The following ARHGAP6 variants were observed in gnomAD, a reference collection of about 807,000 sequenced individuals.
ARHGAP6 encodes Rho GTPase activating protein 6, also known as rho GTPase-activating protein 6.
In ARHGAP6, 16 loss-of-function variants were observed where a neutral mutation model predicts 55.7. The observed-to-expected ratio is 0.29, with a 90% CI of 0.19 to 0.44. ARHGAP6 has a LOEUF of 0.44. Ranked by LOEUF, ARHGAP6 falls within the 20% of genes least tolerant of loss-of-function variation. The pLI is 1.00. For missense variants in ARHGAP6, 698 were observed against 808.9 expected, an observed-to-expected ratio of 0.86 and a Z score of 1.66; for synonymous variants, 382 against 360.9, an observed-to-expected ratio of 1.06 and a Z score of -0.66.
At chrX:11,283,335 C>T (rs1246048882) in intron 1 of ARHGAP6, among the ~76,000 whole-genome samples, 2 of 111,922 alleles carry the variant, frequency 1.8e-5, no homozygotes, top group Non-Finnish European at 3.8e-5. Context: ...AAGCTAGTAT[C>T]ACATGGCCAA....
rs1433452586 is a variant in ARHGAP6, at chrX:11,290,787, A to C, written c.589-36080T>G. 4.5e-5 allele frequency among the ~76,000 whole-genome samples: 5 copies of C among 111,839 alleles called. No homozygotes were observed. In the East Asian group the frequency reaches 1.4e-3, roughly 31 times the overall value. ...AGTAAGCCAGTGGAGAGGAACCCCA[A>C]AACAAACCAAACACCCTCCCAGCAG... On this transcript the variant is annotated intron_variant, in intron 1 of 12. Transcript: ENST00000337414.
chrX:11,653,605 T>C (rs2052609522), intron 1 of ARHGAP6, among the ~76,000 whole-genome samples: 1 of 112,522 alleles, frequency 8.9e-6, no homozygotes, highest in African/African-American at 3.2e-5. Context: ...CATCTTTTAG[T>C]ACTTCCTACG....
chrX:11,228,417 C>A (rs1165532626), intron 2 of ARHGAP6, among the ~76,000 whole-genome samples: 1 of 96,660 alleles, frequency 1.0e-5, no homozygotes, highest in Non-Finnish European at 2.1e-5. Flanking sequence ...ATATTAAAAG[C>A]TGTTTCCTTT....
At chrX:11,443,311 T>C (rs889425078) in intron 1 of ARHGAP6, among the ~76,000 whole-genome samples, 6 of 112,587 alleles carry the variant, frequency 5.3e-5, no homozygotes, top group African/African-American at 1.6e-4. Context: ...GACATTTTGG[T>C]TGTTACCAAC....
intron 11 of ARHGAP6, chrX:11,142,657 G>A (rs1195735898): frequency 2.6e-5 from 3 of 116,811 alleles, no homozygotes; most frequent in African/African-American, 9.8e-5. Flanking sequence ...TATCTGGATG[G>A]GGCCAATATA....
chrX:11,153,524 C>CAAAAAA (rs55669123), intron 10 of ARHGAP6, among the ~76,000 whole-genome samples: 1 of 20,106 alleles, frequency 5.0e-5, no homozygotes, highest in Admixed American at 6.7e-4. Flanking sequence ...GACTCGATCT[C>CAAAAAA]AAAAAAAAAA....
At chrX:11,589,118 T>C (rs2051772870) in intron 1 of ARHGAP6, among the ~76,000 whole-genome samples, 1 of 107,060 alleles carries the variant, frequency 9.3e-6, no homozygotes, top group Non-Finnish European at 1.9e-5. Context: ...CTTGGCTCAC[T>C]GCAACCTCTG....
chrX:11,284,918 C>T (rs1466404489), intron 1 of ARHGAP6, among the ~76,000 whole-genome samples: 2 of 111,255 alleles, frequency 1.8e-5, no homozygotes, highest in African/African-American at 6.6e-5. Context: ...TAAAATGTAC[C>T]CTGAAGGGCA....
chrX:11,528,039 G>C (rs1402343351), intron 1 of ARHGAP6, among the ~76,000 whole-genome samples: 2 of 112,393 alleles, frequency 1.8e-5, no homozygotes, highest in African/African-American at 3.2e-5. Flanking sequence ...AAGGCTTAAG[G>C]ACTTGTGGAT....
At chrX:11,470,564 T>C (rs1054150617) in intron 1 of ARHGAP6, among the ~76,000 whole-genome samples, 3 of 112,900 alleles carry the variant, frequency 2.7e-5, no homozygotes, top group Admixed American at 1.9e-4. Context: ...AATACTATTG[T>C]CCTCAACTCA....
chrX:11,231,131 C>T (rs774260205), intron 2 of ARHGAP6, among the ~76,000 whole-genome samples: 4 of 112,148 alleles, frequency 3.6e-5, no homozygotes, highest in South Asian at 3.7e-4. Flanking sequence ...CTAAAACAAA[C>T]GTAAAGATAC....
intron 1 of ARHGAP6, among the ~76,000 whole-genome samples, chrX:11,468,196 T>C (rs1466546451): frequency 1.2e-4 from 13 of 110,998 alleles, no homozygotes; most frequent in African/African-American, 3.9e-4. Context: ...TATTACTTGG[T>C]GCAAATTCAT....
chrX:11,378,625 T>C (rs1387195288), intron 1 of ARHGAP6, among the ~76,000 whole-genome samples: 1 of 112,406 alleles, frequency 8.9e-6, no homozygotes, highest in Non-Finnish European at 1.9e-5. Context: ...TTTACCTTCC[T>C]AAAATCCCTG....
intron 1 of ARHGAP6, among the ~76,000 whole-genome samples, chrX:11,358,431 ATCTTTCTTTCTTTCTTTCTT>A (rs546950014): frequency 1.8e-3 from 129 of 72,499 alleles, no homozygotes; most frequent in Middle Eastern, 7.9e-3. Context: ...TTTTAACTGT[ATCTTTCTTTCTTTCTTTCTT>A]TCTTTCTTTC....
chrX:11,527,590 C>T (rs1177068828), intron 1 of ARHGAP6, among the ~76,000 whole-genome samples: 8 of 111,473 alleles, frequency 7.2e-5, no homozygotes, highest in African/African-American at 1.3e-4. Flanking sequence ...CCAGCCTGGG[C>T]GACAGAGCGA....
intron 1 of ARHGAP6, among the ~76,000 whole-genome samples, chrX:11,536,329 G>A (rs2051103765): frequency 8.9e-6 from 1 of 112,145 alleles, no homozygotes; most frequent in Non-Finnish European, 1.9e-5. Context: ...GCTGAGATTT[G>A]GAGGATAAAT....
intron 1 of ARHGAP6, among the ~76,000 whole-genome samples, chrX:11,590,101 C>T (rs2051786516): frequency 9.0e-6 from 1 of 111,155 alleles, no homozygotes; most frequent in Non-Finnish European, 1.9e-5. Flanking sequence ...TCTCTGTGTT[C>T]TGAGATTTCT....
intron 1 of ARHGAP6, among the ~76,000 whole-genome samples, chrX:11,502,156 T>C (rs1358681669): frequency 8.9e-6 from 1 of 112,812 alleles, no homozygotes; most frequent in Non-Finnish European, 1.9e-5. Flanking sequence ...TACAATGGAA[T>C]ACTACATGGC....
rs1602716350 is a variant in ARHGAP6 at position 11,139,058 on chromosome X, C to G, written c.2730G>C (p.Gln910His). The G allele has an allele frequency of 1.7e-6, 2 of 1,206,708 alleles. No homozygotes were observed. Among genetic ancestry groups the G allele is most frequent in the East Asian group, 5.9e-5 (2 of 33,673 alleles). Residue 910 changes from glutamine to histidine, a missense_variant, in exon 13 of 13, where the codon CAG (glutamine) becomes CAC (histidine). Transcript: ENST00000337414. ...PPEGVETPTD[Q>H]GGQAAEREQQ... The stretch of plus-strand genomic sequence containing the variant: ...GCTCTCGCTCGGCTGCTTGGCCTCC[C>G]TGGTCCGTGGGTGTCTCCACGCCTT...
Sources: allele counts gnomAD v4.1 joint callset (sites outside exome capture counted in the v4.1 genomes callset), GRCh38; gene constraint gnomAD v4.1.1; transcripts MANE v1.5; gene names NCBI Gene and HGNC (gene_info 2026-07-23, HGNC 2026-07-21).